Variants in CDK14 observed in about 807,000 individuals in gnomAD.
CDK14 encodes cyclin-dependent kinase 14.
CDK14 carries 34 observed loss-of-function variants against 60.7 expected under a neutral mutation model. The observed-to-expected ratio is 0.56, with a 90% CI of 0.43 to 0.75. The LOEUF (loss-of-function observed/expected upper bound fraction) is 0.75, where lower values mean the gene tolerates loss of function less well. Among genes scored for constraint, CDK14 ranks in the 30% least tolerant of loss-of-function variants. The pLI is 0.00. For missense variants in CDK14, 482 were observed against 564.1 expected (o/e 0.85, Z 1.47); for synonymous variants, 197 against 203.7 (o/e 0.97, Z 0.28).
intron 10 of CDK14, among the ~76,000 whole-genome samples, chr7:91,001,766 G>A (rs1584217921): frequency 6.6e-6 from 1 of 152,188 alleles, no homozygotes; most frequent in Non-Finnish European, 1.5e-5. Context: ...AGCACCCTGT[G>A]TGCTACCTCC....
At chr7:90,608,241 T>C (rs1437949128) in intron 2 of CDK14, among the ~76,000 whole-genome samples, 1 of 152,240 alleles carries the variant, frequency 6.6e-6, no homozygotes, top group Non-Finnish European at 1.5e-5. Context: ...AACTACACTA[T>C]GATTTCTGGT....
chr7:90,887,427 G>A (rs993144717), intron 6 of CDK14, among the ~76,000 whole-genome samples: 1 of 152,106 alleles, frequency 6.6e-6, no homozygotes, highest in Non-Finnish European at 1.5e-5. Context: ...TTCATCATAT[G>A]TAGCAAACAG....
intron 11 of CDK14, among the ~76,000 whole-genome samples, chr7:91,060,801 A>T (rs1175728471): frequency 6.6e-6 from 1 of 152,184 alleles, no homozygotes; most frequent in African/African-American, 2.4e-5. Flanking sequence ...CTTTGTGGGT[A>T]ACCCGACCTT....
intron 14 of CDK14, among the ~76,000 whole-genome samples, chr7:91,171,116 G>A (rs187628827): frequency 3.4e-4 from 52 of 152,188 alleles, no homozygotes; most frequent in African/African-American, 6.5e-4. Context: ...GTGGGAGGCC[G>A]AGGCAGGCAG....
intron 5 of CDK14, among the ~76,000 whole-genome samples, chr7:90,853,478 G>C (rs530882956): frequency 2.0e-5 from 3 of 151,880 alleles, no homozygotes; most frequent in Admixed American, 2.0e-4. Flanking sequence ...TGATATGCTT[G>C]TAGAGCAGCA....
At chr7:90,887,005 C>T (rs550041139) in intron 6 of CDK14, among the ~76,000 whole-genome samples, 10 of 152,212 alleles carry the variant, frequency 6.6e-5, no homozygotes, top group Non-Finnish European at 1.5e-4. Context: ...CTCATAGGTA[C>T]TGACAAATAG....
chr7:90,777,925 G>A (rs1805118575), intron 4 of CDK14, among the ~76,000 whole-genome samples: 1 of 152,176 alleles, frequency 6.6e-6, no homozygotes, highest in Admixed American at 6.5e-5. Flanking sequence ...GCCCCACACT[G>A]TCCCTTTCCT....
chr7:90,734,073 A>C (rs977195044), intron 3 of CDK14, among the ~76,000 whole-genome samples: 24 of 152,166 alleles, frequency 1.6e-4, no homozygotes, highest in Non-Finnish European at 1.3e-4. Context: ...TATGAAGCTT[A>C]GTTTAGCTGG....
At chr7:91,121,554 A>C (rs1799783138) in intron 14 of CDK14, among the ~76,000 whole-genome samples, 1 of 152,188 alleles carries the variant, frequency 6.6e-6, no homozygotes, top group Non-Finnish European at 1.5e-5. Context: ...ATAATGCCAG[A>C]TTTGCATAAA....
chr7:90,808,680 TAA>T (rs1339389536), intron 5 of CDK14, among the ~76,000 whole-genome samples: 2 of 152,072 alleles, frequency 1.3e-5, no homozygotes, highest in African/African-American at 2.4e-5. Context: ...GCAAATTGGA[TAA>T]AGAGTCAAGA....
chr7:90,969,585 T>C (rs911862896), intron 9 of CDK14, among the ~76,000 whole-genome samples: 2 of 152,200 alleles, frequency 1.3e-5, no homozygotes, highest in Non-Finnish European at 2.9e-5. Context: ...TCAGCTGTCA[T>C]ATAAACAGAA....
intron 2 of CDK14, among the ~76,000 whole-genome samples, chr7:90,681,275 A>G (rs1379850857): frequency 6.6e-6 from 1 of 152,238 alleles, no homozygotes; most frequent in Non-Finnish European, 1.5e-5. Flanking sequence ...GGTTGCCTGT[A>G]AACTTGATCA....
At chr7:90,740,326 T>C (rs1803296456) in intron 3 of CDK14, among the ~76,000 whole-genome samples, 1 of 151,200 alleles carries the variant, frequency 6.6e-6, no homozygotes, top group Non-Finnish European at 1.5e-5. Context: ...GTGTGTGTTA[T>C]GGGCTGAATG....
chr7:90,726,625 C>A lies in CDK14; in HGVS notation c.182C>A (p.Pro61His). 6.2e-7 allele frequency: 1 copy of A among 1,613,574 alleles called. No individual in the cohort carries two copies. The highest frequency in any genetic ancestry group is 8.5e-7 in the Non-Finnish European group (1 of 1,179,680). ...CAGGGAATGGACTCAGTGATCAAACCCCTGGACACAATTCCTGAGGATAAA... is the reference window on the plus strand; with the variant it reads ...CAGGGAATGGACTCAGTGATCAAACACCTGGACACAATTCCTGAGGATAAA... The part of the protein sequence containing the change: ...NCQGMDSVIK[P>H]LDTIPEDKKV... Residue 61 changes from proline to histidine, a missense_variant, in exon 3 of 15, where the codon CCC becomes CAC. Transcript: ENST00000380050.
intron 5 of CDK14, among the ~76,000 whole-genome samples, chr7:90,820,196 T>G (rs544109589): frequency 3.3e-5 from 5 of 152,314 alleles, no homozygotes; most frequent in Non-Finnish European, 7.3e-5. Flanking sequence ...TATTTTTATT[T>G]GCTAAATATG....
intron 4 of CDK14, among the ~76,000 whole-genome samples, chr7:90,754,555 T>C (rs2157798): frequency 0.36 from 54,139 of 152,042 alleles, 9,871 homozygotes; most frequent in Middle Eastern, 0.41. Flanking sequence ...AAACATCGTC[T>C]GAGCATCGGC....
In CDK14 at chr7:90,639,733, A is replaced by G. The variant is rs1017112074; in HGVS notation, c.123+35484A>G. Among the ~76,000 whole-genome samples, 9 of 150,702 alleles carry G rather than the reference A, an allele frequency of 6.0e-5. No homozygotes were observed. In the East Asian group the frequency reaches 1.2e-3, roughly 20 times the overall value. ...CCCTGCCCCCAGAGGTGGAGCCTAC[A>G]GAGGCAGGCAGGCCTCCTTGAGCTG... On this transcript the variant is annotated intron_variant, in intron 2 of 14. Coordinates refer to ENST00000380050, the MANE Select transcript of CDK14 (RefSeq NM_001287135.2).
Position 91,205,503 on chromosome 7 carries a change from A to G in CDK14, c.*29-1662A>G, listed in dbSNP as rs142188265. ...CAGGTAAATCCATAGAGACAGAAACATTAGTATTAATAGTTGTCAGGGGCT... is the reference window on the plus strand; with the variant it reads ...CAGGTAAATCCATAGAGACAGAAACGTTAGTATTAATAGTTGTCAGGGGCT... On this transcript the variant is annotated intron_variant, in intron 14 of 14. Transcript: ENST00000380050. 3.1e-4 allele frequency among the ~76,000 whole-genome samples: 47 copies of G among 152,306 alleles called. No individual in the cohort carries two copies. In the East Asian group the frequency reaches 8.5e-3, roughly 27 times the overall value.
At chr7:90,761,167 A>T (rs1243481604) in intron 4 of CDK14, among the ~76,000 whole-genome samples, 1 of 152,220 alleles carries the variant, frequency 6.6e-6, no homozygotes. Flanking sequence ...CTTTCCTATT[A>T]GACAGTGTTT....
Sources: gnomAD v4.1 joint callset for allele counts (sites outside exome capture counted in the v4.1 genomes callset) on GRCh38, gnomAD v4.1.1 for gene constraint, MANE v1.5 for transcripts, NCBI Gene and HGNC (gene_info 2026-07-23, HGNC 2026-07-21) for gene names.